The following ANO1 variants were observed in gnomAD, a reference collection of about 807,000 sequenced individuals.
The protein encoded by ANO1 is anoctamin-1.
ANO1 carries 59 observed loss-of-function variants against 124.0 expected under a neutral mutation model. The observed-to-expected ratio is 0.48, with a 90% confidence interval of 0.39 to 0.59. The LOEUF is 0.59. Among genes scored for constraint, ANO1 ranks in the 20% least tolerant of loss-of-function variants. The pLI is 0.00. For missense variants in ANO1, 1,059 were observed against 1,328.0 expected (o/e 0.80, Z 3.15); for synonymous variants, 529 against 532.0 (o/e 0.99, Z 0.08).
intron 1 of ANO1, chr11:70,020,980 G>A (rs1460020298): frequency 6.6e-6 from 1 of 152,190 alleles, no homozygotes; most frequent in African/African-American, 2.4e-5. Flanking sequence ...TTCGCTGCGG[G>A]CGTCGGGCTG....
At chr11:70,008,492 A>G (rs1413895055) in intron 1 of ANO1, among the ~76,000 whole-genome samples, 1 of 152,196 alleles carries the variant, frequency 6.6e-6, no homozygotes, top group Non-Finnish European at 1.5e-5. Flanking sequence ...CCTTTGGCAA[A>G]GAGATTGTCC....
chr11:70,104,674 G>A lies in ANO1; in HGVS notation c.692+524G>A, dbSNP rs529334228. Among the ~76,000 whole-genome samples, 85 of 152,218 alleles carry A rather than the reference G, an allele frequency of 5.6e-4. 1 individual carries two copies. The highest frequency in any genetic ancestry group is 3.2e-3 in the Middle Eastern group (1 of 316). ...GAGGGGCAGTGGGGCGTAGCCACCT[G>A]GGTCAGCAGTGACTGCAAGGCCTCT... is the stretch of plus-strand genomic sequence containing the variant. On this transcript the variant is annotated intron_variant, in intron 4 of 25. Transcript: ENST00000355303.
chr11:70,167,504 C>T, intron 21 of ANO1, 117 bp downstream of exon 21: 1 of 1,358,890 alleles, frequency 7.4e-7, no homozygotes, highest in Middle Eastern at 2.6e-4. Flanking sequence ...GCCCAGCGTC[C>T]CTCCATAAGC....
chr11:70,056,665 G>A (rs1050969574), intron 1 of ANO1: 5 of 151,980 alleles, frequency 3.3e-5, no homozygotes, highest in Non-Finnish European at 7.4e-5. Flanking sequence ...AACTAAACAT[G>A]GCCTGGTGTC....
At chr11:70,153,163 A>C in intron 14 of ANO1, 35 bp downstream of exon 14, 1 of 1,522,338 alleles carries the variant, frequency 6.6e-7, no homozygotes, top group Non-Finnish European at 9.0e-7. Context: ...TTTCCCAGCA[A>C]TAAAACACTG....
At chr11:70,080,547 A>G (rs2135177261) in intron 1 of ANO1, among the ~76,000 whole-genome samples, 1 of 152,252 alleles carries the variant, frequency 6.6e-6, no homozygotes, top group South Asian at 2.1e-4. Context: ...GGTGAACTGA[A>G]TGTTCAATAA....
intron 2 of ANO1, among the ~76,000 whole-genome samples, chr11:70,095,857 A>G (rs1401730570): frequency 6.7e-6 from 1 of 150,230 alleles, no homozygotes; most frequent in Non-Finnish European, 1.5e-5. Context: ...TTGAGTTTTT[A>G]ACTCTTTTTA....
At chr11:70,116,105 T>A (rs1289383327) in intron 7 of ANO1, among the ~76,000 whole-genome samples, 1 of 152,192 alleles carries the variant, frequency 6.6e-6, no homozygotes, top group Non-Finnish European at 1.5e-5. Flanking sequence ...ATACGCACCC[T>A]ATTGATACGA....
chr11:70,124,224 C>T (rs1274338001), intron 8 of ANO1, 126 bp from the exon 9 acceptor site: 1 of 838,328 alleles, frequency 1.2e-6, no homozygotes, highest in Admixed American at 2.1e-5. Context: ...ACACAGCCCA[C>T]TCTCAAGAAG....
rs766427036 is a variant in ANO1 at position 70,163,265 on chromosome 11, C to A, written c.1893-18C>A. The A allele has an allele frequency of 2.5e-6, 4 of 1,611,970 alleles. No homozygotes were observed. Among genetic ancestry groups the A allele is most frequent in the East Asian group, 4.5e-5 (2 of 44,872 alleles). On this transcript the variant is annotated intron_variant, in intron 18 of 25. Transcript: ENST00000355303. Reference sequence around the variant, plus strand: ...CAGGGGCTCATCTTTTCTCTAACGACCTCCCCCATCGTTTCAGGTTTGTTG... The same window carrying A: ...CAGGGGCTCATCTTTTCTCTAACGAACTCCCCCATCGTTTCAGGTTTGTTG...
chr11:69,983,771 C>T (rs1307128356), upstream of ANO1, among the ~76,000 whole-genome samples: 1 of 152,190 alleles, frequency 6.6e-6, no homozygotes, highest in African/African-American at 2.4e-5. Context: ...GGCATTTTTG[C>T]ATATGTTGGC....
At chr11:70,109,531 A>C (rs2515250) in intron 6 of ANO1, among the ~76,000 whole-genome samples, 125,745 of 152,092 alleles carry the variant, frequency 0.83, 52,152 homozygotes, top group Middle Eastern at 0.9. Flanking sequence ...AAGCCCTAGT[A>C]CACACGACTG....
intron 22 of ANO1, among the ~76,000 whole-genome samples, chr11:70,173,988 T>G (rs1288628370): frequency 6.6e-6 from 1 of 150,928 alleles, no homozygotes; most frequent in Non-Finnish European, 1.5e-5. Context: ...CAGGCTGGAG[T>G]GCAGTGGCAC....
At chr11:70,155,734 C>T (rs1450870695) in intron 14 of ANO1, among the ~76,000 whole-genome samples, 177 bp from the exon 15 acceptor site, 1 of 152,198 alleles carries the variant, frequency 6.6e-6, no homozygotes, top group Non-Finnish European at 1.5e-5. Flanking sequence ...AGGTCTCTGC[C>T]GTCTCTTACT....
intron 22 of ANO1, 123 bp downstream of exon 22, chr11:70,171,162 C>T: frequency 2.9e-6 from 4 of 1,359,154 alleles, no homozygotes; most frequent in Non-Finnish European, 4.0e-6. Context: ...GCTCTTCACT[C>T]AGCCTTTGCC....
In ANO1 at chr11:70,113,436, G is replaced by A. The variant is rs977138049; in HGVS notation, c.855+1674G>A. Among the ~76,000 whole-genome samples, 3 of 152,074 alleles carry A rather than the reference G, an allele frequency of 2.0e-5. No homozygotes were observed. In the East Asian group the frequency reaches 5.8e-4, roughly 29 times the overall value. On this transcript the variant is annotated intron_variant, in intron 7 of 25. Transcript: ENST00000355303. ...CCCTAGACCAGGGCAGTGGCTCCGG[G>A]TTCCTGCCCTGAAGCCCTGAGTCTG...
chr11:69,973,993 G>C, the ANO1 span, among the ~76,000 whole-genome samples: 1 of 152,036 alleles, frequency 6.6e-6, no homozygotes, highest in East Asian at 1.9e-4. Context: ...TGAGGCACAG[G>C]GAAGATAGGG....
intron 1 of ANO1, among the ~76,000 whole-genome samples, chr11:69,995,799 T>C (rs948799674): frequency 9.2e-5 from 14 of 152,134 alleles, no homozygotes; most frequent in Non-Finnish European, 1.8e-4. Flanking sequence ...TTACTAGCAC[T>C]GGTGTTTGAA....
At chr11:69,990,002 A>T (rs782022625) in intron 1 of ANO1, among the ~76,000 whole-genome samples, 3 of 152,184 alleles carry the variant, frequency 2.0e-5, no homozygotes, top group Non-Finnish European at 4.4e-5. Flanking sequence ...ATATACCATA[A>T]CATTTTAATC....
Sources: allele counts gnomAD v4.1 joint callset (sites outside exome capture counted in the v4.1 genomes callset), GRCh38; gene constraint gnomAD v4.1.1; transcripts MANE v1.5; gene names NCBI Gene and HGNC (gene_info 2026-07-23, HGNC 2026-07-21).